FKBP5: variants seen among roughly 807,000 people sequenced by gnomAD.
FKBP5 encodes the protein peptidyl-prolyl cis-trans isomerase FKBP5.
FKBP5 carries 23 observed loss-of-function variants against 50.5 expected under a neutral mutation model. That is an observed-to-expected ratio of 0.46 (90% CI 0.33 to 0.65). The LOEUF (loss-of-function observed/expected upper bound fraction) is 0.65. Ranked by LOEUF, FKBP5 falls within the 30% of genes least tolerant of loss-of-function variation. The pLI is 0.02. For missense variants in FKBP5, 411 were observed against 553.1 expected, an observed-to-expected ratio of 0.74 and a Z score of 2.58; for synonymous variants, 176 against 190.6, an observed-to-expected ratio of 0.92 and a Z score of 0.63.
chr6:35,633,918 G>A (rs1764236024), intron 3 of FKBP5, among the ~76,000 whole-genome samples: 1 of 152,072 alleles, frequency 6.6e-6, no homozygotes, highest in South Asian at 2.1e-4. Flanking sequence ...TTTTCCATGA[G>A]ACCGCACTGA....
At chr6:35,594,041 T>C (rs1452195816) in intron 6 of FKBP5, among the ~76,000 whole-genome samples, 1 of 152,078 alleles carries the variant, frequency 6.6e-6, no homozygotes, top group African/African-American at 2.4e-5. Flanking sequence ...CTGGAAATGT[T>C]TTATGACTTT....
intron 1 of FKBP5, among the ~76,000 whole-genome samples, chr6:35,645,961 C>T (rs1049082390): frequency 2.0e-5 from 3 of 152,054 alleles, no homozygotes; most frequent in African/African-American, 7.2e-5. Context: ...ACTAAAAATA[C>T]AAAAATTAGC....
intron 3 of FKBP5, among the ~76,000 whole-genome samples, chr6:35,626,214 G>C (rs1242780271): frequency 6.6e-6 from 1 of 151,938 alleles, no homozygotes; most frequent in East Asian, 1.9e-4. Context: ...GTATAATATA[G>C]CTATTACTAA....
In FKBP5 at chr6:35,705,392, G is replaced by A. The variant is rs531751477; in HGVS notation, c.-20+14936C>T. 5.3e-4 allele frequency among the ~76,000 whole-genome samples: 79 copies of A among 149,074 alleles called. 1 individual carries two copies. The highest frequency in any genetic ancestry group is 1.8e-3 in the African/African-American group (74 of 40,942). ...AGCAATTCTCCTGCCTCAACCTCCTGAGTAGCTGGGATTACAGGCACACAC... is the reference window on the plus strand; with the variant it reads ...AGCAATTCTCCTGCCTCAACCTCCTAAGTAGCTGGGATTACAGGCACACAC... On this transcript the variant is annotated intron_variant, in intron 2 of 11. Coordinates refer to the FKBP5 transcript ENST00000536438.
chr6:35,630,383 C>T (rs938282694), intron 3 of FKBP5, among the ~76,000 whole-genome samples: 1 of 151,900 alleles, frequency 6.6e-6, no homozygotes, highest in Non-Finnish European at 1.5e-5. Context: ...CCCGTCTCTA[C>T]TAAAAATATA....
chr6:35,583,867 T>C, intron 8 of FKBP5: 5 of 985,386 alleles, frequency 5.1e-6, no homozygotes, highest in Non-Finnish European at 6.0e-6. Flanking sequence ...CTAAATCACA[T>C]TACTGGTATC....
intron 6 of FKBP5, among the ~76,000 whole-genome samples, chr6:35,593,489 A>C (rs894275051): frequency 2.0e-5 from 3 of 152,208 alleles, no homozygotes; most frequent in Admixed American, 2.0e-4. Flanking sequence ...GTGTGTCCCC[A>C]GAAAATCAGG....
intron 2 of FKBP5, among the ~76,000 whole-genome samples, chr6:35,696,937 G>A (rs562651964): frequency 6.6e-6 from 1 of 152,192 alleles, no homozygotes; most frequent in Non-Finnish European, 1.5e-5. Flanking sequence ...AGGGTGCCAA[G>A]CATTGGTGAG....
At chr6:35,595,473 G>A (rs1394356536) in intron 6 of FKBP5, among the ~76,000 whole-genome samples, 1 of 152,174 alleles carries the variant, frequency 6.6e-6, no homozygotes, top group Admixed American at 6.5e-5. Flanking sequence ...ATGGCCTGGC[G>A]CAGTGGCTCA....
intron 3 of FKBP5, among the ~76,000 whole-genome samples, chr6:35,628,203 A>G (rs1016671230): frequency 1.3e-5 from 2 of 152,030 alleles, no homozygotes; most frequent in African/African-American, 4.8e-5. Flanking sequence ...TTACATGTGG[A>G]TATCTAGCTT....
intron 1 of FKBP5, among the ~76,000 whole-genome samples, chr6:35,725,693 T>C (rs779638956): frequency 6.6e-6 from 1 of 152,026 alleles, no homozygotes; most frequent in Non-Finnish European, 1.5e-5. Flanking sequence ...CAGGGGTAAC[T>C]GACAGCAGGA....
intron 3 of FKBP5, among the ~76,000 whole-genome samples, chr6:35,628,045 T>C (rs747608436): frequency 1.3e-5 from 2 of 151,582 alleles, no homozygotes; most frequent in Non-Finnish European, 2.9e-5. Context: ...AGTGCTGGCA[T>C]TACAGGTGTG....
chr6:35,631,210 A>G (rs932373639), intron 3 of FKBP5, among the ~76,000 whole-genome samples: 1 of 152,216 alleles, frequency 6.6e-6, no homozygotes, highest in Non-Finnish European at 1.5e-5. Context: ...AAACAACCAA[A>G]TGTCCTATTT....
At chr6:35,721,549 G>A (rs1012955132) in intron 1 of FKBP5, among the ~76,000 whole-genome samples, 8 of 151,822 alleles carry the variant, frequency 5.3e-5, no homozygotes, top group Non-Finnish European at 7.4e-5. Context: ...TCCGCCTCCC[G>A]GGTTCAAATG....
chr6:35,676,395 A>C (rs181822094), intron 1 of FKBP5, among the ~76,000 whole-genome samples: 2 of 152,360 alleles, frequency 1.3e-5, no homozygotes, highest in East Asian at 3.9e-4. Context: ...TTAGAATTTC[A>C]GAACTGCAGA....
chr6:35,612,093 A>G (rs112184010), intron 5 of FKBP5, among the ~76,000 whole-genome samples: 57 of 152,282 alleles, frequency 3.7e-4, no homozygotes, highest in African/African-American at 1.3e-3. Context: ...TGTAGGAGAT[A>G]AGAAAAAGAG....
chr6:35,668,187 C>T (rs2151003201), intron 1 of FKBP5, among the ~76,000 whole-genome samples: 1 of 152,348 alleles, frequency 6.6e-6, no homozygotes, highest in East Asian at 1.9e-4. Context: ...AACTCTTCTT[C>T]CCACTATACC....
chr6:35,581,874 C>CA, intron 8 of FKBP5: 1 of 985,530 alleles, frequency 1.0e-6, no homozygotes, highest in South Asian at 4.7e-5. Flanking sequence ...ACAGCCCAAG[C>CA]AGCGCGTACA....
intron 5 of FKBP5, among the ~76,000 whole-genome samples, chr6:35,603,830 C>T (rs1270722128): frequency 6.6e-6 from 1 of 151,992 alleles, no homozygotes; most frequent in Non-Finnish European, 1.5e-5. Context: ...CTCAGACTCC[C>T]AAGTAGCTGG....
Sources: allele counts gnomAD v4.1 joint callset (sites outside exome capture counted in the v4.1 genomes callset), GRCh38; gene constraint gnomAD v4.1.1; transcripts MANE v1.5; gene names NCBI Gene and HGNC (gene_info 2026-07-23, HGNC 2026-07-21).